Variants in CES3 observed in about 807,000 individuals in gnomAD.
The protein encoded by CES3 is carboxylesterase 3.
A neutral mutation model predicts 57.6 loss-of-function variants in CES3; 49 were observed. The observed-to-expected ratio is 0.85, with a 90% CI of 0.68 to 1.08. The LOEUF (loss-of-function observed/expected upper bound fraction) is 1.08. Ranked by LOEUF, CES3 falls within the 50% of genes least tolerant of loss-of-function variation. CES3 has a pLI of 0.00. For synonymous variants in CES3, 266 were observed against 281.6 expected (o/e 0.94, Z 0.55); for missense variants, 645 against 742.0 (o/e 0.87, Z 1.52).
chr16:66,969,399 C>T (rs1963791595), intron 8 of CES3, among the ~76,000 whole-genome samples: 1 of 152,106 alleles, frequency 6.6e-6, no homozygotes, highest in Admixed American at 6.5e-5. Context: ...GAGTGAGTCT[C>T]TGTCTCAAAA....
At chr16:66,970,927 G>A (rs192540159) in intron 9 of CES3, among the ~76,000 whole-genome samples, 12 of 152,306 alleles carry the variant, frequency 7.9e-5, no homozygotes, top group Admixed American at 3.9e-4. Context: ...GGCAGAGACT[G>A]ACTTTCAGAG....
Position 66,973,023 on chromosome 16 carries a change from A to G in CES3, c.1690A>G (p.Asn564Asp). The change falls in exon 13 of 13, where the codon AAC (asparagine) becomes GAC (aspartate). Residue 564 changes from asparagine to aspartate, a missense_variant. Physicochemically the swap from Asn to Asp is conservative, Grantham distance 23. Coordinates refer to ENST00000303334, the MANE Select transcript of CES3 (RefSeq NM_024922.6). ...ACAACAGTGGCACCAGAAGCAGAAG[A>G]ACAGGAAGGCCCAGGAGGACCTCTG... The part of the protein sequence containing the change: ...KIQQWHQKQK[N>D]RKAQEDL 1 of 1,613,984 alleles carries G rather than the reference A, an allele frequency of 6.2e-7. No individual in the cohort carries two copies. Among genetic ancestry groups the G allele is most frequent in the South Asian group, 1.1e-5 (1 of 91,078 alleles).
intron 9 of CES3, among the ~76,000 whole-genome samples, chr16:66,970,042 G>A (rs751241944): frequency 4.6e-5 from 7 of 151,922 alleles, no homozygotes; most frequent in Non-Finnish European, 1.0e-4. Context: ...TGCACTGAGC[G>A]CCGGGAGAGG....
In CES3 at chr16:66,973,175, C is replaced by G; in HGVS notation, c.*126C>G. The G allele has an allele frequency of 3.8e-6, 3 of 799,000 alleles. No individual in the cohort carries two copies. The highest frequency in any genetic ancestry group is 5.9e-6 in the Non-Finnish European group (3 of 504,954). The allele number at this position is 799,000 out of a possible 1,614,324, so 49.5% of individuals were successfully genotyped here. A position where few individuals can be genotyped will look rare whatever the true frequency, so the allele number is the denominator to read the frequency against. On this transcript the variant is annotated 3_prime_UTR_variant, in exon 13 of 13. Transcript: ENST00000303334. ...CCACCAGCCCTTAAAGTGTCGGCCG[C>G]TCTGTGACTGGAGTTATGCTCTTTT...
At chr16:66,969,629 G>A in intron 8 of CES3, 50 bp from the exon 9 acceptor site, 1 of 1,562,918 alleles carries the variant, frequency 6.4e-7, no homozygotes, top group Non-Finnish European at 8.8e-7. Context: ...CTGGGAGTCG[G>A]GGTGAGCCGG....
intron 4 of CES3, 108 bp from the exon 5 acceptor site, chr16:66,964,249 C>G (rs1963697324): frequency 2.1e-6 from 3 of 1,459,970 alleles, no homozygotes; most frequent in Non-Finnish European, 2.8e-6. Context: ...CAGGCCAGAC[C>G]TGGGGAGCAG....
chr16:66,964,681 T>C lies in CES3; in HGVS notation c.773T>C (p.Ile258Thr). Reference protein sequence around the residue: ...FHRAITQSGVITTPGIIDSHP... With the variant: ...FHRAITQSGVTTTPGIIDSHP... ...AGAGCCATCACACAGAGTGGGGTCA[T>C]CACCACCCCAGGGATCATCGACTCT... Residue 258 changes from isoleucine (I) to threonine (T), a missense_variant, in exon 6 of 13, where the codon ATC (isoleucine) becomes ACC (threonine). Coordinates refer to ENST00000303334, the MANE Select transcript of CES3 (RefSeq NM_024922.6). 1.9e-6 allele frequency: 3 copies of C among 1,614,062 alleles called. No homozygotes were observed. The highest frequency in any genetic ancestry group is 2.5e-6 in the Non-Finnish European group (3 of 1,179,986).
intron 9 of CES3, 104 bp from the exon 10 acceptor site, chr16:66,971,068 C>A: frequency 7.6e-7 from 1 of 1,323,626 alleles, no homozygotes; most frequent in Non-Finnish European, 1.0e-6. Context: ...GGACCATCAG[C>A]CCTGGGATTT....
In CES3 at chr16:66,963,096, G is replaced by C. The variant is rs1283574056; in HGVS notation, c.83-83G>C. On this transcript the variant is annotated intron_variant, in intron 1 of 12. Coordinates refer to ENST00000303334, the MANE Select transcript of CES3 (RefSeq NM_024922.6). The surrounding 1 kb of genome is among the most constrained non-coding windows in gnomAD (Gnocchi z 4.9). ...CAAGATGCTGTGTGGTAAGTACTGA[G>C]AACAGCCTGAGGGTTTGTCTTTCAC... 2 of 1,433,750 alleles carry C rather than the reference G, an allele frequency of 1.4e-6. No homozygotes were observed. Among genetic ancestry groups the C allele is most frequent in the Non-Finnish European group, 2.0e-6 (2 of 1,021,432 alleles). 88.8% of individuals were successfully genotyped at this position (1,433,750 alleles called of 1,614,324 possible).
At chr16:66,964,834 T>C in intron 6 of CES3, 107 bp downstream of exon 6, 2 of 795,358 alleles carry the variant, frequency 2.5e-6, no homozygotes, top group Non-Finnish European at 4.0e-6. Context: ...GAGCTCCCTG[T>C]TAGCAAAGAG....
In CES3 at chr16:66,974,386, C is replaced by T. The variant is rs1963900722; in HGVS notation, c.*1337C>T. On this transcript the variant is annotated 3_prime_UTR_variant, in exon 13 of 13. Coordinates refer to ENST00000303334, the MANE Select transcript of CES3 (RefSeq NM_024922.6). ...GCCCCACTCAGAGCAGCTGGCCGGC[C>T]CCAGGCAGTGAGGGCCTTAGCACCT... is the stretch of plus-strand genomic sequence containing the variant. 2.0e-5 allele frequency: 3 copies of T among 152,452 alleles called. No individual in the cohort carries two copies. The highest frequency in any genetic ancestry group is 6.8e-3 in the Middle Eastern group (2 of 294). The allele number at this position is 152,452 out of a possible 1,614,324, so 9.4% of individuals were successfully genotyped here. A position where few individuals can be genotyped will look rare whatever the true frequency, so the allele number is the denominator to read the frequency against.
rs1276307750 is a variant in CES3 at position 66,973,172 on chromosome 16, C to T, written c.*123C>T. The T allele has an allele frequency of 1.2e-6, 1 of 839,984 alleles. No homozygotes were observed. Among genetic ancestry groups the T allele is most frequent in the South Asian group, 1.8e-5 (1 of 56,382 alleles). 52.0% of individuals were successfully genotyped at this position (839,984 alleles called of 1,614,324 possible). Reference sequence around the variant, plus strand: ...TCTCCACCAGCCCTTAAAGTGTCGGCCGCTCTGTGACTGGAGTTATGCTCT... The same window carrying T: ...TCTCCACCAGCCCTTAAAGTGTCGGTCGCTCTGTGACTGGAGTTATGCTCT... On this transcript the variant is annotated 3_prime_UTR_variant, in exon 13 of 13. Transcript: ENST00000303334.
Position 66,973,022 on chromosome 16 carries a change from G to A in CES3, c.1689G>A (p.Lys563=). 2.5e-6 allele frequency: 4 copies of A among 1,613,956 alleles called. No individual in the cohort carries two copies. The South Asian group carries it at 4.4e-5, about 18-fold the overall frequency. ...SKIQQWHQKQ[K]NRKAQEDL ...TACAACAGTGGCACCAGAAGCAGAA[G>A]AACAGGAAGGCCCAGGAGGACCTCT... The change falls in exon 13 of 13, where the codon AAG becomes AAA. Residue 563 remains lysine, a synonymous_variant. Transcript: ENST00000303334.
chr16:66,963,152 C>G lies in CES3; in HGVS notation c.83-27C>G. On this transcript the variant is annotated intron_variant, in intron 1 of 12. Transcript: ENST00000303334. The surrounding 1 kb of genome is among the most constrained non-coding windows in gnomAD (Gnocchi z 4.9). Reference sequence around the variant, plus strand: ...CCCCTCATGGGGGCTGCAAACTCACCCCGTGGCCTTTCTGTCCTTCCCTCA... The same window carrying G: ...CCCCTCATGGGGGCTGCAAACTCACGCCGTGGCCTTTCTGTCCTTCCCTCA... The G allele has an allele frequency of 1.2e-6, 2 of 1,612,912 alleles. No homozygotes were observed.
At position 66,964,639 on chromosome 16, in the gene CES3, C is replaced by T. The variant is rs1963704551; in HGVS notation, c.731C>T (p.Ala244Val). 1.9e-6 allele frequency: 3 copies of T among 1,614,044 alleles called. No homozygotes were observed. Among genetic ancestry groups the T allele is most frequent in the Non-Finnish European group, 8.5e-7 (1 of 1,179,950 alleles). ...IISGLVLSPV[A>V]AGLFHRAITQ... ...TGCACCCAGGTCCTGTCCCCAGTGGCTGCAGGGCTGTTCCACAGAGCCATC... is the reference window on the plus strand; with the variant it reads ...TGCACCCAGGTCCTGTCCCCAGTGGTTGCAGGGCTGTTCCACAGAGCCATC... Residue 244 changes from alanine (A) to valine (V), a missense_variant, in exon 6 of 13, where the codon GCT (alanine) becomes GTT (valine). Physicochemically the swap from Ala to Val is moderately conservative, Grantham distance 64. Transcript: ENST00000303334.
At chr16:66,964,071 C>T in intron 4 of CES3, 136 bp downstream of exon 4, 3 of 1,343,430 alleles carry the variant, frequency 2.2e-6, no homozygotes, top group Admixed American at 4.5e-5. Flanking sequence ...CAGAGAAGGG[C>T]ACCCCCCAAG....
At chr16:66,964,195 ACAAAGAGC>A (rs1237788852) in intron 4 of CES3, among the ~76,000 whole-genome samples, 154 bp from the exon 5 acceptor site, 1 of 152,202 alleles carries the variant, frequency 6.6e-6, no homozygotes, top group East Asian at 1.9e-4. Flanking sequence ...AGGATATGGG[ACAAAGAGC>A]AACAGGCTGT....
At position 66,964,607 on chromosome 16, in the gene CES3, T is replaced by A; in HGVS notation, c.715-16T>A. 4 of 1,613,288 alleles carry A rather than the reference T, an allele frequency of 2.5e-6. No homozygotes were observed. Among genetic ancestry groups the A allele is most frequent in the Non-Finnish European group, 3.4e-6 (4 of 1,179,584 alleles). ...GCCCTCCTCTGACAGCCACCTCCTCTCTCCAATGCACCCAGGTCCTGTCCC... is the reference window on the plus strand; with the variant it reads ...GCCCTCCTCTGACAGCCACCTCCTCACTCCAATGCACCCAGGTCCTGTCCC... On this transcript the variant is annotated splice_polypyrimidine_tract_variant and intron_variant, in intron 5 of 12. Transcript: ENST00000303334.
rs373420724 is a variant in CES3 at position 66,972,997 on chromosome 16, T to C, written c.1664T>C (p.Ile555Thr). Reference protein sequence around the residue: ...QFWSETLPSKIQQWHQKQKNR... With the variant: ...QFWSETLPSKTQQWHQKQKNR... The stretch of plus-strand genomic sequence containing the variant: ...TGGTCAGAGACGCTCCCCAGCAAGA[T>C]ACAACAGTGGCACCAGAAGCAGAAG... The change falls in exon 13 of 13, where the codon ATA (isoleucine) becomes ACA (threonine). Residue 555 changes from isoleucine (I) to threonine (T), a missense_variant. Coordinates refer to ENST00000303334, the MANE Select transcript of CES3 (RefSeq NM_024922.6). 12 of 1,613,968 alleles carry C rather than the reference T, an allele frequency of 7.4e-6. No homozygotes were observed. Among genetic ancestry groups the C allele is most frequent in the Non-Finnish European group, 9.3e-6 (11 of 1,180,022 alleles).
Sources: allele counts gnomAD v4.1 joint callset (sites outside exome capture counted in the v4.1 genomes callset), GRCh38; gene constraint gnomAD v4.1.1; non-coding constraint Gnocchi (gnomAD v3.1); transcripts MANE v1.5; gene names NCBI Gene and HGNC (gene_info 2026-07-23, HGNC 2026-07-21).